The following ABHD6 variants were observed in gnomAD, a reference collection of about 807,000 sequenced individuals.
The protein encoded by ABHD6 is monoacylglycerol lipase ABHD6.
In ABHD6, 33 loss-of-function variants were observed where a neutral mutation model predicts 38.8. The ratio of observed to expected loss-of-function variants is 0.85; its 90% confidence interval spans 0.64 to 1.14. The LOEUF is 1.14. ABHD6 is among the 50% of genes most tolerant of loss of function. ABHD6 has a pLI of 0.00. For missense variants in ABHD6, 380 were observed against 422.6 expected, an observed-to-expected ratio of 0.90 and a Z score of 0.88; for synonymous variants, 147 against 161.6, an observed-to-expected ratio of 0.91 and a Z score of 0.69.
rs377456834 is a variant in ABHD6 at position 58,293,771 on chromosome 3, C to T, written c.*6C>T. The T allele has an allele frequency of 1.1e-5, 18 of 1,612,976 alleles. No homozygotes were observed. The highest frequency in any genetic ancestry group is 4.4e-5 in the South Asian group (4 of 91,032). ...ACAACAAGAAGCTGGACTGAGGCCC[C>T]GACTGCAGCCTGCATTCTGCACACA... On this transcript the variant is annotated 3_prime_UTR_variant, in exon 10 of 10. Coordinates refer to ENST00000478253, the MANE Select transcript of ABHD6 (RefSeq NM_001320126.2). The surrounding 1 kb of genome is among the most constrained non-coding windows in gnomAD (Gnocchi z 4.4).
chr3:58,264,638 C>T (rs2097439626), intron 3 of ABHD6, among the ~76,000 whole-genome samples: 1 of 152,066 alleles, frequency 6.6e-6, no homozygotes. Context: ...CTGCAGTGAA[C>T]CGTGATTGTG....
intron 1 of ABHD6, among the ~76,000 whole-genome samples, chr3:58,240,576 T>A (rs1275124143): frequency 6.6e-6 from 1 of 152,084 alleles, no homozygotes; most frequent in Non-Finnish European, 1.5e-5. Context: ...AAAAATTTTT[T>A]TTTTAAGGGA....
At position 58,290,193 on chromosome 3, in the gene ABHD6, C is replaced by T. The variant is rs1213103085; in HGVS notation, c.838-3396C>T. ...CTGACCCCCCCACCTCCCTCCCGGACGGGGCGGCTGGCTGGGCAGAGGGGC... is the reference window on the plus strand; with the variant it reads ...CTGACCCCCCCACCTCCCTCCCGGATGGGGCGGCTGGCTGGGCAGAGGGGC... On this transcript the variant is annotated intron_variant, in intron 9 of 9. Transcript: ENST00000478253. 3.9e-4 allele frequency among the ~76,000 whole-genome samples: 36 copies of T among 92,746 alleles called. 3 individuals carry two copies. The highest frequency in any genetic ancestry group is 1.4e-4 in the African/African-American group (3 of 20,840). 60.8% of individuals were successfully genotyped at this position (92,746 alleles called of 152,430 possible).
rs2097456163 is a variant in ABHD6, at chr3:58,285,389, C to G, written c.773C>G (p.Ser258Cys). 1 of 1,614,024 alleles carries G rather than the reference C, an allele frequency of 6.2e-7. No individual in the cohort carries two copies. Among genetic ancestry groups the G allele is most frequent in the African/African-American group, 1.3e-5 (1 of 74,924 alleles). ...ATCGTCAGTGAGAAGTCCAGATACT[C>G]TCTCCATCAGAACATGGACAAGATC... ...LEIVSEKSRYSLHQNMDKIKV... is the reference protein window; with the variant it reads ...LEIVSEKSRYCLHQNMDKIKV... Residue 258 changes from serine to cysteine, a missense_variant, in exon 9 of 10, where the codon TCT (serine) becomes TGT (cysteine). Ser to Cys is a moderately radical substitution (Grantham distance 112). Coordinates refer to ENST00000478253, the MANE Select transcript of ABHD6 (RefSeq NM_001320126.2). This position sits in a 1 kb window ranked among gnomAD's most constrained non-coding sequence, Gnocchi z 4.9.
chr3:58,257,080 G>A lies in ABHD6; in HGVS notation c.119+375G>A, dbSNP rs1234106216. 1.3e-5 allele frequency among the ~76,000 whole-genome samples: 2 copies of A among 151,902 alleles called. No individual in the cohort carries two copies. Among genetic ancestry groups the A allele is most frequent in the African/African-American group, 4.8e-5 (2 of 41,362 alleles). ...CCACCACGCCCGGCTAATTTTTTTT[G>A]TATTTTTAGTACAGATGGGGTTTCA... On this transcript the variant is annotated intron_variant, in intron 3 of 9. Transcript: ENST00000478253. The surrounding 1 kb of genome is among the most constrained non-coding windows in gnomAD (Gnocchi z 4.8).
rs1046310519 is a variant in ABHD6 at position 58,259,407 on chromosome 3, C to T, written c.119+2702C>T. Reference sequence around the variant, plus strand: ...AAAGTGTACAATTCAAGGCTGGGCACGATGGCTCACACCTGTAATCCCAGC... The same window carrying T: ...AAAGTGTACAATTCAAGGCTGGGCATGATGGCTCACACCTGTAATCCCAGC... On this transcript the variant is annotated intron_variant, in intron 3 of 9. Coordinates refer to ENST00000478253, the MANE Select transcript of ABHD6 (RefSeq NM_001320126.2). The surrounding 1 kb of genome is among the most constrained non-coding windows in gnomAD (Gnocchi z 4.7). 3.9e-5 allele frequency among the ~76,000 whole-genome samples: 6 copies of T among 152,194 alleles called. No individual in the cohort carries two copies. The highest frequency in any genetic ancestry group is 8.8e-5 in the Non-Finnish European group (6 of 68,032).
Position 58,273,106 on chromosome 3 carries a change from G to A in ABHD6, c.524-1552G>A, listed in dbSNP as rs2097446193. On this transcript the variant is annotated intron_variant, in intron 6 of 9. Coordinates refer to ENST00000478253, the MANE Select transcript of ABHD6 (RefSeq NM_001320126.2). The surrounding 1 kb of genome is among the most constrained non-coding windows in gnomAD (Gnocchi z 4.8). ...ACCTAGGTTTAGTTTTAAAGAGAGG[G>A]GAAATAGATAATGTCATCTGCTTCA... 1.3e-5 allele frequency among the ~76,000 whole-genome samples: 2 copies of A among 152,094 alleles called. No homozygotes were observed. The highest frequency in any genetic ancestry group is 4.1e-4 in the South Asian group (2 of 4,830).
In ABHD6 at chr3:58,256,563, A is replaced by T. The variant is rs757281137; in HGVS notation, c.-24A>T. On this transcript the variant is annotated splice_region_variant and 5_prime_UTR_variant, in exon 3 of 10. Transcript: ENST00000478253. The surrounding 1 kb of genome is among the most constrained non-coding windows in gnomAD (Gnocchi z 4.3). ...CGTCATTCTCTTTGGCCCCTGCAGG[A>T]GTCAGCCAGCCTGAAAGAGCAGGAT... 1 of 1,566,050 alleles carries T rather than the reference A, an allele frequency of 6.4e-7. No individual in the cohort carries two copies. The highest frequency in any genetic ancestry group is 1.1e-5 in the South Asian group (1 of 89,318).
intron 6 of ABHD6, among the ~76,000 whole-genome samples, chr3:58,271,766 G>GTT (rs3038091): frequency 0.018 from 1,169 of 63,594 alleles, 132 homozygotes; most frequent in African/African-American, 0.054. Flanking sequence ...CCCTCTCTCT[G>GTT]TTTTTTTTTT....
At chr3:58,272,232 T>A (rs1286766191) in intron 6 of ABHD6, among the ~76,000 whole-genome samples, 1 of 152,202 alleles carries the variant, frequency 6.6e-6, no homozygotes, top group Non-Finnish European at 1.5e-5. Flanking sequence ...TTATGCCCAT[T>A]TTATAAATGG....
Position 58,273,437 on chromosome 3 carries a change from G to A in ABHD6, c.524-1221G>A, listed in dbSNP as rs2097446443. Among the ~76,000 whole-genome samples the A allele has an allele frequency of 6.6e-6, 1 of 152,080 alleles. No individual in the cohort carries two copies. The highest frequency in any genetic ancestry group is 1.5e-5 in the Non-Finnish European group (1 of 68,012). ...TCTAACATTCACACATATGTTTATT[G>A]CAGCACTATTTACGATAGCAAAGAC... On this transcript the variant is annotated intron_variant, in intron 6 of 9. Transcript: ENST00000478253. The surrounding 1 kb of genome is among the most constrained non-coding windows in gnomAD (Gnocchi z 4.8).
At chr3:58,272,952 A>G (rs1323368509) in intron 6 of ABHD6, among the ~76,000 whole-genome samples, 1 of 152,198 alleles carries the variant, frequency 6.6e-6, no homozygotes, top group East Asian at 1.9e-4. Flanking sequence ...TTTTTTCACA[A>G]CTAAGAAACC....
Position 58,273,441 on chromosome 3 carries a change from C to A in ABHD6, c.524-1217C>A, listed in dbSNP as rs548304654. ...ACATTCACACATATGTTTATTGCAG[C>A]ACTATTTACGATAGCAAAGACTTGG... On this transcript the variant is annotated intron_variant, in intron 6 of 9. Transcript: ENST00000478253. The surrounding 1 kb of genome is among the most constrained non-coding windows in gnomAD (Gnocchi z 4.8). Among the ~76,000 whole-genome samples, 9 of 152,024 alleles carry A rather than the reference C, an allele frequency of 5.9e-5. No individual in the cohort carries two copies. The highest frequency in any genetic ancestry group is 1.0e-4 in the Non-Finnish European group (7 of 68,018).
intron 9 of ABHD6, among the ~76,000 whole-genome samples, chr3:58,290,788 G>C (rs1322877426): frequency 1.3e-5 from 2 of 148,996 alleles, no homozygotes; most frequent in Non-Finnish European, 3.0e-5. Context: ...ATGGGCGGCC[G>C]GGCAGAGACG....
rs552441135 is a variant in ABHD6, at chr3:58,251,515, C to T, written c.-26+1573C>T. Among the ~76,000 whole-genome samples, 1 of 152,230 alleles carries T rather than the reference C, an allele frequency of 6.6e-6. No individual in the cohort carries two copies. The highest frequency in any genetic ancestry group is 1.9e-4 in the East Asian group (1 of 5,184). ...ACATTAAAGAAAATTGTGAGATGTG[C>T]CTTACTCCTAACCCCAGATTAAACT... On this transcript the variant is annotated intron_variant, in intron 2 of 9. Coordinates refer to ENST00000478253, the MANE Select transcript of ABHD6 (RefSeq NM_001320126.2). This position sits in a 1 kb window ranked among gnomAD's most constrained non-coding sequence, Gnocchi z 5.4.
At chr3:58,284,599 C>T (rs887893484) in intron 7 of ABHD6, among the ~76,000 whole-genome samples, 1 of 151,962 alleles carries the variant, frequency 6.6e-6, no homozygotes, top group Non-Finnish European at 1.5e-5. Context: ...TACAGGCCTG[C>T]ACCATCACAT....
intron 9 of ABHD6, among the ~76,000 whole-genome samples, chr3:58,289,652 G>A (rs1167503683): frequency 6.6e-6 from 1 of 152,140 alleles, no homozygotes; most frequent in Non-Finnish European, 1.5e-5. Flanking sequence ...CACAGACACG[G>A]CAACCATCCG....
chr3:58,255,371 C>G (rs1336953420), intron 2 of ABHD6, among the ~76,000 whole-genome samples: 2 of 152,078 alleles, frequency 1.3e-5, no homozygotes, highest in Non-Finnish European at 2.9e-5. Context: ...ACTTAGCTAT[C>G]TACTTCCCCA....
chr3:58,252,229 GTTTTTTTTTTTTTT>G (rs10671892), intron 2 of ABHD6, among the ~76,000 whole-genome samples: 1 of 80,966 alleles, frequency 1.2e-5, no homozygotes, highest in Non-Finnish European at 2.2e-5. Flanking sequence ...TTGACTGCTT[GTTTTTTTTTTTTTT>G]TTTTTTTTTG....
Sources: gnomAD v4.1 joint callset for allele counts (sites outside exome capture counted in the v4.1 genomes callset) on GRCh38, gnomAD v4.1.1 for gene constraint, Gnocchi (gnomAD v3.1) non-coding constraint, MANE v1.5 for transcripts, NCBI Gene and HGNC (gene_info 2026-07-23, HGNC 2026-07-21) for gene names.